The following SLC9A3 variants were observed in gnomAD, a reference collection of about 807,000 sequenced individuals.
SLC9A3 encodes solute carrier family 9 member A3, also known as sodium/hydrogen exchanger 3.
Under a neutral mutation model 86.8 loss-of-function variants are expected in SLC9A3, and 37 were observed. The observed-to-expected ratio is 0.43, with a 90% CI of 0.33 to 0.56. The LOEUF is 0.56. SLC9A3 is among the 20% of genes least tolerant of loss of function. The probability of loss-of-function intolerance (pLI) is 0.06; values close to 1 mark genes in which losing one functional copy is unlikely to be tolerated. For missense variants in SLC9A3, 1,011 were observed against 1,171.9 expected, an observed-to-expected ratio of 0.86 and a Z score of 2.00; for synonymous variants, 581 against 528.3, an observed-to-expected ratio of 1.10 and a Z score of -1.37.
chr5:477,448 T>TG lies in SLC9A3; in HGVS notation c.1648-5dup. On this transcript the variant is annotated splice_region_variant and splice_polypyrimidine_tract_variant and intron_variant, in intron 10 of 16. Transcript: ENST00000264938. ...CCAGGGACCCGCGGCGCTCTCCCTG[T>TG]GGTCAGGAAGCAGCCCGGTCAGTGG... The TG allele has an allele frequency of 6.2e-7, 1 of 1,608,436 alleles. No individual in the cohort carries two copies. Among genetic ancestry groups the TG allele is most frequent in the African/African-American group, 1.3e-5 (1 of 74,868 alleles).
intron 1 of SLC9A3, among the ~76,000 whole-genome samples, chr5:502,300 C>T (rs1015351539): frequency 1.5e-4 from 23 of 152,298 alleles, no homozygotes; most frequent in Middle Eastern, 3.4e-3. Context: ...CCAGAGACGG[C>T]CCAGGCCCCC....
intron 1 of SLC9A3, among the ~76,000 whole-genome samples, chr5:512,558 C>T (rs2126652212): frequency 6.6e-6 from 1 of 152,220 alleles, no homozygotes; most frequent in Non-Finnish European, 1.5e-5. Flanking sequence ...TGTATCACAC[C>T]AATGCCACCT....
chr5:482,341 C>G (rs1739243505), intron 7 of SLC9A3, among the ~76,000 whole-genome samples, 184 bp from the exon 8 acceptor site: 1 of 152,084 alleles, frequency 6.6e-6, no homozygotes, highest in African/African-American at 2.4e-5. Context: ...CCTCATCCAC[C>G]AGCGAAGGCC....
intron 1 of SLC9A3, among the ~76,000 whole-genome samples, chr5:515,082 A>G (rs1733686569): frequency 6.6e-6 from 1 of 152,118 alleles, no homozygotes. Flanking sequence ...CCTAAGGCAG[A>G]GCCTTCCATG....
chr5:485,460 G>T (rs1739421168), intron 3 of SLC9A3, among the ~76,000 whole-genome samples: 1 of 152,236 alleles, frequency 6.6e-6, no homozygotes, highest in Non-Finnish European at 1.5e-5. Context: ...AGCTTTGGGA[G>T]CAAAGCTGGC....
At position 472,761 on chromosome 5, in the gene SLC9A3, G is replaced by A. The variant is rs1433706473; in HGVS notation, c.*618C>T. On this transcript the variant is annotated 3_prime_UTR_variant, in exon 17 of 17. Transcript: ENST00000264938. The stretch of plus-strand genomic sequence containing the variant: ...GGGCGCTGGGCCTGCAGCCGCTGCA[G>A]GTCGGGCCCTGAGTCCTGGCGCTCG... The A allele has an allele frequency of 5.1e-6, 3 of 585,858 alleles. No individual in the cohort carries two copies. Among genetic ancestry groups the A allele is most frequent in the African/African-American group, 3.8e-5 (2 of 53,162 alleles). The allele number at this position is 585,858 out of a possible 1,614,324, so 36.3% of individuals were successfully genotyped here.
chr5:521,483 T>C (rs1733883993), intron 1 of SLC9A3, among the ~76,000 whole-genome samples: 1 of 152,224 alleles, frequency 6.6e-6, no homozygotes, highest in Non-Finnish European at 1.5e-5. Context: ...GGCTGTGAGT[T>C]AGAAACTCTC....
rs377525383 is a variant in SLC9A3, at chr5:481,596, C to T, written c.1486G>A (p.Gly496Arg). 5.6e-6 allele frequency: 9 copies of T among 1,613,928 alleles called. No individual in the cohort carries two copies. Among genetic ancestry groups the T allele is most frequent in the African/African-American group, 2.7e-5 (2 of 74,918 alleles). ...CTGAGATAATTGTGCCCGATCTGTC[C>T]GGATATGTCCTCGATGGCCGAGAGG... ...HILSAIEDISGQIGHNYLRDK... is the reference protein window; with the variant it reads ...HILSAIEDISRQIGHNYLRDK... Residue 496 changes from glycine to arginine, a missense_variant, in exon 9 of 17, where the codon GGA becomes AGA. By Grantham distance (125) the Gly-to-Arg change is moderately radical. Transcript: ENST00000264938.
rs1206043884 is a variant in SLC9A3, at chr5:473,200, G to T, written c.*179C>A. The stretch of plus-strand genomic sequence containing the variant: ...GGCTCGCCCTCGGGCGGCTCTGCGG[G>T]CGCAGGCGCGGCACTCTCGGAGTTC... On this transcript the variant is annotated 3_prime_UTR_variant, in exon 17 of 17. Transcript: ENST00000264938. 6.9e-6 allele frequency: 4 copies of T among 583,090 alleles called. No individual in the cohort carries two copies. The highest frequency in any genetic ancestry group is 2.4e-5 in the African/African-American group (1 of 40,944). The allele number at this position is 583,090 out of a possible 1,614,324, so 36.1% of individuals were successfully genotyped here. A position where few individuals can be genotyped will look rare whatever the true frequency, so the allele number is the denominator to read the frequency against.
In SLC9A3 at chr5:479,625, C is replaced by T. The variant is rs182768117; in HGVS notation, c.1647+211G>A. 22 of 560,126 alleles carry T rather than the reference C, an allele frequency of 3.9e-5. 1 individual carries two copies. In the Admixed American group the frequency reaches 4.3e-4, roughly 11 times the overall value. 34.7% of individuals were successfully genotyped at this position (560,126 alleles called of 1,614,324 possible). Reference sequence around the variant, plus strand: ...TCAGCGCTCACCCCCACCAGCACCACAGTCACCAGGACTCTGTGACTCAGT... The same window carrying T: ...TCAGCGCTCACCCCCACCAGCACCATAGTCACCAGGACTCTGTGACTCAGT... On this transcript the variant is annotated intron_variant, in intron 10 of 16. Transcript: ENST00000264938.
intron 1 of SLC9A3, among the ~76,000 whole-genome samples, chr5:504,867 C>T (rs1452206662): frequency 6.6e-6 from 1 of 151,868 alleles, no homozygotes; most frequent in Non-Finnish European, 1.5e-5. Flanking sequence ...AGCGGGGGCT[C>T]ACACCTCGGC....
rs1005399338 is a variant in SLC9A3, at chr5:483,308, G to C, written c.1107C>G (p.Ala369=). The part of the protein sequence containing the change: ...VNPFIWTWNT[A]FVLLTLVFIS... ...TGAAGACCAGCGTCAGGAGCACGAA[G>C]GCCGTGTTCCAGGTCCAGATGAACG... Residue 369 remains alanine (A), a synonymous_variant, in exon 6 of 17, where the codon GCC becomes GCG. Coordinates refer to ENST00000264938, the MANE Select transcript of SLC9A3 (RefSeq NM_004174.4). 1.1e-5 allele frequency: 17 copies of C among 1,561,604 alleles called. No homozygotes were observed. In the African/African-American group the frequency reaches 1.9e-4, roughly 18 times the overall value.
At chr5:518,354 A>T (rs1261491687) in intron 1 of SLC9A3, among the ~76,000 whole-genome samples, 1 of 151,594 alleles carries the variant, frequency 6.6e-6, no homozygotes, top group Non-Finnish European at 1.5e-5. Context: ...GAGATCTAGC[A>T]CCCTGAGATA....
intron 1 of SLC9A3, among the ~76,000 whole-genome samples, chr5:505,860 G>A (rs1051316991): frequency 7.3e-5 from 11 of 150,462 alleles, no homozygotes; most frequent in Admixed American, 3.3e-4. Flanking sequence ...TGGGAGGGGA[G>A]TGACTACCAC....
intron 2 of SLC9A3, among the ~76,000 whole-genome samples, chr5:490,335 G>A (rs1168288676): frequency 4.9e-5 from 6 of 122,638 alleles, no homozygotes; most frequent in South Asian, 2.5e-4. Context: ...GGAGTGCAGC[G>A]TGGCGAGGGG....
At chr5:518,374 G>A (rs2458814) in intron 1 of SLC9A3, among the ~76,000 whole-genome samples, 74,362 of 151,478 alleles carry the variant, frequency 0.49, 18,454 homozygotes, top group East Asian at 0.52. Context: ...ATGGCACTTC[G>A]CGACCGGGCA....
intron 1 of SLC9A3, among the ~76,000 whole-genome samples, chr5:507,163 C>CGTCTTTTTTTTTTTTTTTTTTTT (rs1402123508): frequency 2.9e-5 from 1 of 34,754 alleles, no homozygotes; most frequent in African/African-American, 1.3e-4. Flanking sequence ...CCGGCTGCTG[C>CGTCTTTTTTTTTTTTTTTTTTTT]TTCTTTTTTT....
In SLC9A3 at chr5:524,432, C is replaced by T. The variant is rs1416922548; in HGVS notation, c.-110G>A. On this transcript the variant is annotated 5_prime_UTR_variant, in exon 1 of 17. Transcript: ENST00000264938. Reference sequence around the variant, plus strand: ...GCGAGGACCCGGCGCGCTCCGGTGCCGGTACCGGCTACAGTCCGATCCCCG... The same window carrying T: ...GCGAGGACCCGGCGCGCTCCGGTGCTGGTACCGGCTACAGTCCGATCCCCG... The T allele has an allele frequency of 2.1e-5, 7 of 334,614 alleles. No individual in the cohort carries two copies. Among genetic ancestry groups the T allele is most frequent in the East Asian group, 1.4e-4 (2 of 13,908 alleles). 20.7% of individuals were successfully genotyped at this position (334,614 alleles called of 1,614,324 possible). A position where few individuals can be genotyped will look rare whatever the true frequency, so the allele number is the denominator to read the frequency against.
intron 1 of SLC9A3, among the ~76,000 whole-genome samples, chr5:504,891 C>T (rs1338681750): frequency 6.6e-6 from 1 of 151,284 alleles, no homozygotes; most frequent in African/African-American, 2.4e-5. Flanking sequence ...CAAAGTGGCT[C>T]CCAGACCCGG....
Sources: allele counts gnomAD v4.1 joint callset (sites outside exome capture counted in the v4.1 genomes callset), GRCh38; gene constraint gnomAD v4.1.1; transcripts MANE v1.5; gene names NCBI Gene and HGNC (gene_info 2026-07-23, HGNC 2026-07-21).